Variants in RBFOX1 observed in about 807,000 individuals in gnomAD.
RBFOX1 encodes the protein RNA binding protein fox-1 homolog 1.
Under a neutral mutation model 57.7 loss-of-function variants are expected in RBFOX1, and 8 were observed. The ratio of observed to expected loss-of-function variants is 0.14; its 90% CI spans 0.08 to 0.25. RBFOX1 has a LOEUF of 0.25. RBFOX1 is among the 10% of genes least tolerant of loss of function. RBFOX1 has a pLI of 1.00. For synonymous variants in RBFOX1, 326 were observed against 222.4 expected (o/e 1.47, Z -4.15); for missense variants, 611 against 548.5 (o/e 1.11, Z -1.14).
chr16:6,574,711 A>AG (rs75256349), intron 2 of RBFOX1, among the ~76,000 whole-genome samples: 141,971 of 141,976 alleles, frequency 1, 70,983 homozygotes, highest in Middle Eastern at 1. Context: ...TACAGGCGTG[A>AG]CTACCGCGCC....
intron 14 of RBFOX1, among the ~76,000 whole-genome samples, chr16:7,695,649 C>CCA (rs1178098207): frequency 1.0e-5 from 1 of 98,400 alleles, no homozygotes; most frequent in Non-Finnish European, 1.9e-5. Context: ...AAGCCTCCAT[C>CCA]AAAAAAAAAA....
At chr16:6,933,568 C>A (rs2076901475) in intron 3 of RBFOX1, among the ~76,000 whole-genome samples, 1 of 152,170 alleles carries the variant, frequency 6.6e-6, no homozygotes, top group African/African-American at 2.4e-5. Flanking sequence ...CAAAAATTAT[C>A]CAGGTGTGGT....
At chr16:6,929,336 T>C (rs1209984460) in intron 3 of RBFOX1, among the ~76,000 whole-genome samples, 1 of 152,174 alleles carries the variant, frequency 6.6e-6, no homozygotes, top group African/African-American at 2.4e-5. Flanking sequence ...TTTTCATTCA[T>C]AATGTGAATA....
intron 7 of RBFOX1, among the ~76,000 whole-genome samples, chr16:7,590,534 G>A (rs995545142): frequency 2.6e-5 from 4 of 151,968 alleles, no homozygotes; most frequent in African/African-American, 7.3e-5. Context: ...TTTAAGGGCT[G>A]TATGCAGATA....
intron 3 of RBFOX1, among the ~76,000 whole-genome samples, chr16:6,708,120 A>G (rs1224165709): frequency 2.0e-5 from 3 of 152,126 alleles, no homozygotes; most frequent in African/African-American, 7.2e-5. Flanking sequence ...TTTGTTTACT[A>G]CCCACAGACA....
chr16:6,762,473 G>A (rs907779319), intron 3 of RBFOX1, among the ~76,000 whole-genome samples: 6 of 152,014 alleles, frequency 3.9e-5, no homozygotes, highest in Admixed American at 2.6e-4. Flanking sequence ...AAAAGAAAAG[G>A]TGTGAATTTT....
At chr16:5,827,758 C>T (rs1007752810) in intron 3 of RBFOX1, among the ~76,000 whole-genome samples, 7 of 152,132 alleles carry the variant, frequency 4.6e-5, no homozygotes, top group African/African-American at 1.4e-4. Flanking sequence ...TCTGGATGCA[C>T]GCCACTGTGT....
chr16:6,368,794 A>G (rs949897278), intron 2 of RBFOX1, among the ~76,000 whole-genome samples: 7 of 152,222 alleles, frequency 4.6e-5, no homozygotes, highest in Admixed American at 1.3e-4. Context: ...CTCTGTTTCA[A>G]TGTTGGTAGT....
At chr16:6,278,682 C>T (rs1716874642) in intron 1 of RBFOX1, among the ~76,000 whole-genome samples, 1 of 151,774 alleles carries the variant, frequency 6.6e-6, no homozygotes, top group Admixed American at 6.6e-5. Flanking sequence ...TTCTCATAAT[C>T]CTTTATTTGT....
chr16:6,416,677 C>T (rs1257562119), intron 2 of RBFOX1, among the ~76,000 whole-genome samples: 6 of 152,090 alleles, frequency 3.9e-5, no homozygotes, highest in Non-Finnish European at 7.4e-5. Flanking sequence ...GGAGAATATG[C>T]CATTTCCACG....
chr16:6,842,017 C>T (rs7498331), intron 3 of RBFOX1, among the ~76,000 whole-genome samples: 5 of 151,392 alleles, frequency 3.3e-5, no homozygotes, highest in Admixed American at 6.6e-5. Flanking sequence ...GTGGCGGGCG[C>T]CTGTAGTCCC....
At chr16:5,804,241 G>C (rs1224287848) in intron 3 of RBFOX1, among the ~76,000 whole-genome samples, 2 of 152,160 alleles carry the variant, frequency 1.3e-5, no homozygotes, top group African/African-American at 4.8e-5. Context: ...TGAATTAATG[G>C]ATGAATTGTT....
chr16:5,396,574 A>T (rs1380321562), intron 1 of RBFOX1, among the ~76,000 whole-genome samples: 2 of 152,174 alleles, frequency 1.3e-5, no homozygotes, highest in African/African-American at 4.8e-5. Context: ...CTCAGGCGGC[A>T]GAGGTTGCAG....
intron 14 of RBFOX1, among the ~76,000 whole-genome samples, chr16:7,694,613 C>T (rs190528409): frequency 1.3e-5 from 2 of 152,290 alleles, no homozygotes; most frequent in East Asian, 3.9e-4. Flanking sequence ...CCTCTTAACC[C>T]CTAGACTCGT....
chr16:5,774,030 C>T (rs866535255), intron 3 of RBFOX1, among the ~76,000 whole-genome samples: 3 of 152,146 alleles, frequency 2.0e-5, no homozygotes, highest in African/African-American at 4.8e-5. Flanking sequence ...CCCATTTGCC[C>T]TCCACATAGG....
intron 3 of RBFOX1, among the ~76,000 whole-genome samples, chr16:6,712,377 C>T (rs912501674): frequency 2.0e-5 from 3 of 152,064 alleles, no homozygotes; most frequent in Admixed American, 6.6e-5. Flanking sequence ...CTGTCCTGGG[C>T]GTGAACTAGA....
chr16:7,203,931 G>T (rs1041273335), intron 4 of RBFOX1, among the ~76,000 whole-genome samples: 1 of 152,212 alleles, frequency 6.6e-6, no homozygotes, highest in Non-Finnish European at 1.5e-5. Context: ...ATTTACATAT[G>T]ATTTGCATCT....
At chr16:7,244,317 C>G (rs187757754) in intron 4 of RBFOX1, among the ~76,000 whole-genome samples, 32 of 146,040 alleles carry the variant, frequency 2.2e-4, no homozygotes, top group African/African-American at 8.0e-4. Context: ...TTGAGATTAT[C>G]TTGATCTTGA....
At chr16:6,407,909 T>C (rs985329162) in intron 2 of RBFOX1, among the ~76,000 whole-genome samples, 1 of 152,160 alleles carries the variant, frequency 6.6e-6, no homozygotes, top group African/African-American at 2.4e-5. Context: ...AGAATTCATA[T>C]GTTGAAGCCT....
Sources: gnomAD v4.1 joint callset for allele counts (sites outside exome capture counted in the v4.1 genomes callset) on GRCh38, gnomAD v4.1.1 for gene constraint, MANE v1.5 for transcripts, NCBI Gene and HGNC (gene_info 2026-07-23, HGNC 2026-07-21) for gene names.